Variants in PHF14 observed in about 807,000 individuals in gnomAD.
PHF14 encodes the protein PHD finger protein 14.
PHF14 carries 55 observed loss-of-function variants against 117.9 expected under a neutral mutation model. The ratio of observed to expected loss-of-function variants is 0.47; its 90% CI spans 0.38 to 0.58. PHF14 has a LOEUF of 0.58. Ranked by LOEUF, PHF14 falls within the 20% of genes least tolerant of loss-of-function variation. The pLI, the probability that PHF14 is intolerant of heterozygous loss-of-function variation, is 0.00. For synonymous variants in PHF14, 409 were observed against 368.6 expected (o/e 1.11, Z -1.26); for missense variants, 978 against 1,122.2 (o/e 0.87, Z 1.84).
chr7:11,009,902 G>A (rs1040499103), intron 4 of PHF14, among the ~76,000 whole-genome samples: 2 of 152,178 alleles, frequency 1.3e-5, no homozygotes, highest in Admixed American at 6.5e-5. Flanking sequence ...TTAACTGTAG[G>A]AGGTTTAAAA....
At position 11,169,489 on chromosome 7, in the gene PHF14, A is replaced by G. The variant is rs774589098; in HGVS notation, c.2846A>G (p.Ter949=). The G allele has an allele frequency of 6.9e-7, 1 of 1,446,110 alleles. No individual in the cohort carries two copies. Among genetic ancestry groups the G allele is most frequent in the Admixed American group, 2.3e-5 (1 of 43,342 alleles). The allele number at this position is 1,446,110 out of a possible 1,614,324, so 89.6% of individuals were successfully genotyped here. A position where few individuals can be genotyped will look rare whatever the true frequency, so the allele number is the denominator to read the frequency against. The change falls in exon 18 of 18, where the codon TAA becomes TGA. Residue 949 remains the stop codon, a stop_retained_variant. Coordinates refer to ENST00000634607, the MANE Select transcript of PHF14 (RefSeq NM_001007157.2). ...ATGGAACAGAAAAATCCAAAGAAAT[A>G]AAAGATTTTCTGTAGTGTTTTTGAA... is the stretch of plus-strand genomic sequence containing the variant. The part of the protein sequence containing the change: ...LNMEQKNPKK[*]
intron 17 of PHF14, among the ~76,000 whole-genome samples, chr7:11,123,064 C>T (rs527816768): frequency 2.2e-4 from 33 of 152,216 alleles, no homozygotes; most frequent in African/African-American, 6.5e-4. Context: ...CTTTTCTTAG[C>T]GGACCATTTC....
intron 17 of PHF14, among the ~76,000 whole-genome samples, chr7:11,161,324 A>G (rs1001485706): frequency 1.3e-5 from 2 of 152,202 alleles, no homozygotes; most frequent in Non-Finnish European, 2.9e-5. Context: ...GAGAAGGATA[A>G]ACAAAATGCT....
Position 11,130,943 on chromosome 7 carries a change from G to A in PHF14, c.2772+19476G>A, listed in dbSNP as rs1055031407. On this transcript the variant is annotated intron_variant, in intron 17 of 17. Coordinates refer to ENST00000634607, the MANE Select transcript of PHF14 (RefSeq NM_001007157.2). This position sits in a 1 kb window ranked among gnomAD's most constrained non-coding sequence, Gnocchi z 4.2. ...AGCCTGTTCAATTTGGCTTCTTTCC[G>A]TAAGCAATACGCATTTAGGGGTTTG... Among the ~76,000 whole-genome samples, 6 of 151,442 alleles carry A rather than the reference G, an allele frequency of 4.0e-5. No homozygotes were observed. Among genetic ancestry groups the A allele is most frequent in the African/African-American group, 9.7e-5 (4 of 41,270 alleles).
chr7:10,998,741 G>GTC (rs1782752427), intron 4 of PHF14, among the ~76,000 whole-genome samples: 1 of 152,128 alleles, frequency 6.6e-6, no homozygotes, highest in African/African-American at 2.4e-5. Flanking sequence ...TTATATCCAT[G>GTC]AATGTCATTG....
intron 17 of PHF14, among the ~76,000 whole-genome samples, chr7:11,127,927 T>C (rs1163409023): frequency 6.6e-6 from 1 of 152,062 alleles, no homozygotes; most frequent in Non-Finnish European, 1.5e-5. Flanking sequence ...TTTCACTTCT[T>C]CAAACACTTT....
intron 16 of PHF14, among the ~76,000 whole-genome samples, chr7:11,085,154 A>G (rs530643542): frequency 4.7e-4 from 71 of 152,296 alleles, no homozygotes; most frequent in Admixed American, 9.2e-4. Flanking sequence ...AATGCAAATT[A>G]TCTGTCTTTG....
In PHF14 at chr7:11,028,804, G is replaced by T. The variant is rs1784016612; in HGVS notation, c.1441G>T (p.Ala481Ser). ...TCAAAAGGAAGGTCTGCTTTCAGAGGCAGCGGCGGAAGAGGTAGGTTTATT... is the reference window on the plus strand; with the variant it reads ...TCAAAAGGAAGGTCTGCTTTCAGAGTCAGCGGCGGAAGAGGTAGGTTTATT... ...CAQKEGLLSEAAAEEDIADPF... is the reference protein window; with the variant it reads ...CAQKEGLLSESAAEEDIADPF... The change falls in exon 7 of 18, where the codon GCA (alanine) becomes TCA (serine). Residue 481 changes from alanine (A) to serine (S), a missense_variant. Transcript: ENST00000634607. The T allele has an allele frequency of 6.2e-7, 1 of 1,613,530 alleles. No homozygotes were observed. Among genetic ancestry groups the T allele is most frequent in the Non-Finnish European group, 8.5e-7 (1 of 1,179,672 alleles).
At chr7:11,132,214 T>C (rs543491284) in intron 17 of PHF14, among the ~76,000 whole-genome samples, 16 of 151,876 alleles carry the variant, frequency 1.1e-4, no homozygotes, top group African/African-American at 3.9e-4. Context: ...TTTCATCTTA[T>C]ATATCTGCTG....
At chr7:10,980,881 G>A (rs1325390943) in intron 2 of PHF14, among the ~76,000 whole-genome samples, 2 of 152,124 alleles carry the variant, frequency 1.3e-5, no homozygotes, top group Non-Finnish European at 2.9e-5. Flanking sequence ...GTTTCAGATA[G>A]GGAATTGCTG....
chr7:11,037,038 A>G lies in PHF14; in HGVS notation c.1927A>G (p.Ile643Val), dbSNP rs1784341117. ...IQENMAEQKNIKDKLENEQEK... is the reference protein window; with the variant it reads ...IQENMAEQKNVKDKLENEQEK... Reference sequence around the variant, plus strand: ...GGAAAATATGGCTGAACAAAAGAATATAAAAGATAAATTAGAGAATGAACA... The same window carrying G: ...GGAAAATATGGCTGAACAAAAGAATGTAAAAGATAAATTAGAGAATGAACA... The change falls in exon 10 of 18, where the codon ATA (isoleucine) becomes GTA (valine). Residue 643 changes from isoleucine (I) to valine (V), a missense_variant. Coordinates refer to ENST00000634607, the MANE Select transcript of PHF14 (RefSeq NM_001007157.2). The G allele has an allele frequency of 1.3e-6, 2 of 1,511,932 alleles. No individual in the cohort carries two copies. The highest frequency in any genetic ancestry group is 1.8e-6 in the Non-Finnish European group (2 of 1,103,658). 93.7% of individuals were successfully genotyped at this position (1,511,932 alleles called of 1,614,324 possible). A position where few individuals can be genotyped will look rare whatever the true frequency, so the allele number is the denominator to read the frequency against.
At chr7:11,023,441 T>C (rs766882601) in intron 6 of PHF14, among the ~76,000 whole-genome samples, 6 of 152,330 alleles carry the variant, frequency 3.9e-5, no homozygotes, top group African/African-American at 1.4e-4. Flanking sequence ...ATATATGTTA[T>C]GTGTGTTCTG....
At chr7:11,006,094 G>A (rs79173355) in intron 4 of PHF14, among the ~76,000 whole-genome samples, 3,002 of 152,150 alleles carry the variant, frequency 0.02, 40 homozygotes, top group Middle Eastern at 0.044. Flanking sequence ...TTAGTCAAAA[G>A]ATAAGTGTAT....
At chr7:10,990,607 A>T (rs1197358650) in intron 3 of PHF14, 96 bp from the exon 4 acceptor site, 1 of 694,830 alleles carries the variant, frequency 1.4e-6, no homozygotes, top group African/African-American at 1.8e-5. Flanking sequence ...TTGGAAATGC[A>T]TATAATAATG....
At chr7:10,978,920 C>G (rs563149790) in intron 2 of PHF14, among the ~76,000 whole-genome samples, 1 of 152,238 alleles carries the variant, frequency 6.6e-6, no homozygotes, top group African/African-American at 2.4e-5. Context: ...TGGCTGTCTT[C>G]AAGACATATA....
intron 7 of PHF14, among the ~76,000 whole-genome samples, chr7:11,032,053 A>G (rs959971235): frequency 6.6e-6 from 1 of 152,082 alleles, no homozygotes; most frequent in African/African-American, 2.4e-5. Context: ...GCTGGCCTCA[A>G]GAGGATTTTG....
chr7:11,108,878 A>G (rs551568714), intron 16 of PHF14: 39 of 151,920 alleles, frequency 2.6e-4, no homozygotes, highest in Non-Finnish European at 4.9e-4. Flanking sequence ...CAAGTTATAC[A>G]CTAGAAATCA....
At position 10,997,123 on chromosome 7, in the gene PHF14, G is replaced by A. The variant is rs575051308; in HGVS notation, c.1045+6276G>A. 2.6e-5 allele frequency among the ~76,000 whole-genome samples: 4 copies of A among 152,230 alleles called. No homozygotes were observed. In the South Asian group the frequency reaches 8.3e-4, roughly 32 times the overall value. On this transcript the variant is annotated intron_variant, in intron 4 of 17. Transcript: ENST00000634607. ...CTATCCCTTTCTGTCTGTATTTAAT[G>A]CATACGTGCTTTACTTACTTTTTAT...
chr7:11,005,291 C>A (rs1783041077), intron 4 of PHF14, among the ~76,000 whole-genome samples: 1 of 152,148 alleles, frequency 6.6e-6, no homozygotes, highest in Admixed American at 6.5e-5. Context: ...TCTAATTCCT[C>A]CTACATTTAT....
Sources: gnomAD v4.1 joint callset for allele counts (sites outside exome capture counted in the v4.1 genomes callset) on GRCh38, gnomAD v4.1.1 for gene constraint, Gnocchi (gnomAD v3.1) non-coding constraint, MANE v1.5 for transcripts, NCBI Gene and HGNC (gene_info 2026-07-23, HGNC 2026-07-21) for gene names.